CC2D2A: variants seen among roughly 807,000 people sequenced by gnomAD.
CC2D2A encodes coiled-coil and C2 domain-containing protein 2A.
CC2D2A carries 155 observed loss-of-function variants against 212.9 expected under a neutral mutation model. The ratio of observed to expected loss-of-function variants is 0.73; its 90% CI spans 0.64 to 0.83. CC2D2A has a LOEUF of 0.83. CC2D2A is among the 40% of genes least tolerant of loss of function. The probability of loss-of-function intolerance (pLI) is 0.00; values close to 1 mark genes in which losing one functional copy is unlikely to be tolerated. For missense variants in CC2D2A, 1,856 were observed against 1,956.2 expected (o/e 0.95, Z 0.97); for synonymous variants, 667 against 686.5 (o/e 0.97, Z 0.44).
chr4:15,480,736 C>T lies in CC2D2A; in HGVS notation c.156C>T (p.Ser52=), dbSNP rs1861050. The part of the protein sequence containing the change: ...PPTAVPKEMV[S]EKSHLGNPQE... ...CTGCTGTCCCCAAGGAAATGGTGTC[C>T]GAAAAATCCCACCTTGGCAACCCCC... The change falls in exon 4 of 37, where the codon TCC becomes TCT. Residue 52 remains serine, a synonymous_variant. Transcript: ENST00000424120. 85,694 of 1,610,996 alleles carry T rather than the reference C, an allele frequency of 0.053. 4,240 individuals carry two copies. The highest frequency in any genetic ancestry group is 0.24 in the Admixed American group (14,113 of 59,354).
At chr4:15,583,437 C>T (rs914997211) in intron 30 of CC2D2A, among the ~76,000 whole-genome samples, 2 of 151,930 alleles carry the variant, frequency 1.3e-5, no homozygotes, top group African/African-American at 4.8e-5. Flanking sequence ...TTTAGAAAAC[C>T]CTAAAGACCC....
At chr4:15,482,966 C>T (rs1225506020) in intron 4 of CC2D2A, among the ~76,000 whole-genome samples, 1 of 152,180 alleles carries the variant, frequency 6.6e-6, no homozygotes, top group African/African-American at 2.4e-5. Flanking sequence ...CCTACTGGAG[C>T]CACACCATGA....
chr4:15,538,608 C>A (rs1443819811), intron 16 of CC2D2A, among the ~76,000 whole-genome samples: 1 of 152,108 alleles, frequency 6.6e-6, no homozygotes, highest in African/African-American at 2.4e-5. Context: ...TGAAGACCCC[C>A]CAGAAAGTTG....
At chr4:15,553,386 A>G in intron 19 of CC2D2A, 81 bp downstream of exon 19, 1 of 1,436,032 alleles carries the variant, frequency 7.0e-7, no homozygotes. Context: ...AGCTTGCAGT[A>G]TCATATTCTT....
chr4:15,516,684 A>G lies in CC2D2A; in HGVS notation c.1077A>G (p.Pro359=). Residue 359 remains proline (P), a synonymous_variant, in exon 11 of 37, where the codon CCA becomes CCG. Transcript: ENST00000424120. ...RILALPNPIK[P]FPSRPPVLTQ... is the part of the protein sequence containing the mutation. ...TAGCTCTGCCAAACCCCATCAAGCC[A>G]TTTCCTTCAAGGCCGCCAGTACTAA... 1 of 1,613,506 alleles carries G rather than the reference A, an allele frequency of 6.2e-7. No homozygotes were observed. The highest frequency in any genetic ancestry group is 1.1e-5 in the South Asian group (1 of 90,960).
intron 30 of CC2D2A, among the ~76,000 whole-genome samples, chr4:15,582,121 T>C (rs745402688): frequency 6.6e-6 from 1 of 152,128 alleles, no homozygotes; most frequent in Admixed American, 6.5e-5. Context: ...AGCATTGGAA[T>C]TGACAGGCAG....
intron 6 of CC2D2A, 58 bp downstream of exon 6, chr4:15,502,981 C>G (rs1231562384): frequency 7.3e-7 from 1 of 1,371,758 alleles, no homozygotes; most frequent in Non-Finnish European, 1.0e-6. Context: ...TATAAAGTTT[C>G]CAGCAAAAGT....
intron 4 of CC2D2A, among the ~76,000 whole-genome samples, chr4:15,493,428 T>C (rs1305384278): frequency 6.6e-6 from 1 of 152,020 alleles, no homozygotes; most frequent in Non-Finnish European, 1.5e-5. Context: ...ACTACAGGTG[T>C]ACACCATCAT....
At chr4:15,540,206 T>TA in intron 16 of CC2D2A, among the ~76,000 whole-genome samples, 2 of 152,292 alleles carry the variant, frequency 1.3e-5, no homozygotes, top group South Asian at 4.1e-4. Context: ...CTTGAATTGC[T>TA]ATTGACTTAA....
Position 15,517,718 on chromosome 4 carries a change from G to A in CC2D2A, c.1149+962G>A, listed in dbSNP as rs533958980. 1.1e-4 allele frequency among the ~76,000 whole-genome samples: 17 copies of A among 152,166 alleles called. No individual in the cohort carries two copies. The South Asian group carries it at 3.3e-3, about 30-fold the overall frequency. ...TAATTGCATTGCTCTTGCTTTCCTG[G>A]GTGTATTAATCTGTTATCACGCTGC... On this transcript the variant is annotated intron_variant, in intron 11 of 36. Transcript: ENST00000424120.
chr4:15,470,640 C>T (rs1220009144), intron 1 of CC2D2A, among the ~76,000 whole-genome samples: 5 of 138,556 alleles, frequency 3.6e-5, no homozygotes, highest in African/African-American at 1.2e-4. Flanking sequence ...AATTCAGCAC[C>T]AGCATGAAAT....
At chr4:15,519,583 A>G (rs570773318) in intron 11 of CC2D2A, 98 of 439,044 alleles carry the variant, frequency 2.2e-4, no homozygotes, top group African/African-American at 1.9e-3. Context: ...AAGCCTGGGC[A>G]ATTTACAAAA....
At chr4:15,487,574 C>T (rs1715065784) in intron 4 of CC2D2A, among the ~76,000 whole-genome samples, 1 of 151,820 alleles carries the variant, frequency 6.6e-6, no homozygotes, top group African/African-American at 2.4e-5. Flanking sequence ...ATATAATTGG[C>T]TCTTTTTTTC....
chr4:15,595,886 A>T (rs1721295874), intron 33 of CC2D2A, 199 bp from the exon 34 acceptor site: 1 of 377,948 alleles, frequency 2.6e-6, no homozygotes, highest in South Asian at 9.7e-5. Flanking sequence ...ATGTGAAAAA[A>T]TGGCCAATGA....
rs147022013 is a variant in CC2D2A, at chr4:15,497,025, C to A, written c.248-5404C>A. On this transcript the variant is annotated intron_variant, in intron 4 of 36. Transcript: ENST00000424120. Reference sequence around the variant, plus strand: ...AAGATTCAGTGCTATTCCTATCAAACTACTGATGACATTTTGCACAGAATT... The same window carrying A: ...AAGATTCAGTGCTATTCCTATCAAAATACTGATGACATTTTGCACAGAATT... 2.9e-3 allele frequency among the ~76,000 whole-genome samples: 441 copies of A among 152,264 alleles called. 2 individuals carry two copies. The highest frequency in any genetic ancestry group is 4.0e-3 in the Non-Finnish European group (272 of 68,026).
chr4:15,555,208 T>C lies in CC2D2A; in HGVS notation c.2623T>C (p.Ser875Pro), dbSNP rs1488074303. The C allele has an allele frequency of 6.2e-7, 1 of 1,613,154 alleles. No individual in the cohort carries two copies. The highest frequency in any genetic ancestry group is 8.5e-7 in the Non-Finnish European group (1 of 1,179,476). The change falls in exon 20 of 37, where the codon TCG becomes CCG. Residue 875 changes from serine to proline, a missense_variant and splice_region_variant. Ser to Pro is a moderately conservative substitution (Grantham distance 74). Around this residue, in one of 5 missense-constraint regions of CC2D2A, gnomAD observed 1,512 missense variants for 1,579.3 expected, o/e 0.96. Transcript: ENST00000424120. ...CAATGCCCCTTTGATGCAGCTTATC[T>C]CGGTATGTAGCAGGAGGCACACATG... is the stretch of plus-strand genomic sequence containing the variant. ...PNNAPLMQLI[S>P]VATSGESYVP...
intron 17 of CC2D2A, among the ~76,000 whole-genome samples, chr4:15,547,235 A>G (rs561891329): frequency 1.3e-5 from 2 of 152,334 alleles, no homozygotes; most frequent in African/African-American, 4.8e-5. Flanking sequence ...ATTTTGATAC[A>G]TGAATAGAAT....
intron 31 of CC2D2A, 22 bp from the exon 32 acceptor site, chr4:15,587,794 A>C: frequency 7.6e-7 from 1 of 1,321,978 alleles, no homozygotes. Context: ...CATACAACAT[A>C]ATTTTTTTTT....
At chr4:15,544,796 G>A (rs978930261) in intron 17 of CC2D2A, among the ~76,000 whole-genome samples, 1 of 152,140 alleles carries the variant, frequency 6.6e-6, no homozygotes, top group Non-Finnish European at 1.5e-5. Context: ...TTGAATATTA[G>A]CTTGCTGTGG....
Sources: gnomAD v4.1 joint callset for allele counts (sites outside exome capture counted in the v4.1 genomes callset) on GRCh38, gnomAD v4.1.1 for gene constraint, gnomAD v4.1.1 regional missense constraint, MANE v1.5 for transcripts, NCBI Gene and HGNC (gene_info 2026-07-23, HGNC 2026-07-21) for gene names.